The following MALRD1 variants were observed in gnomAD, a reference collection of about 807,000 sequenced individuals.
The protein encoded by MALRD1 is MAM and LDL receptor class A domain containing 1, also known as MAM and LDL-receptor class A domain-containing protein 1.
A neutral mutation model predicts 242.1 loss-of-function variants in MALRD1; 247 were observed. That is an observed-to-expected ratio of 1.02 (90% CI 0.92 to 1.13). The LOEUF (loss-of-function observed/expected upper bound fraction) is 1.13, where lower values mean the gene tolerates loss of function less well. MALRD1 is among the 50% of genes most tolerant of loss of function. The pLI is 0.00. For synonymous variants in MALRD1, 995 were observed against 866.6 expected, an observed-to-expected ratio of 1.15 and a Z score of -2.60; for missense variants, 2,989 against 2,533.1, an observed-to-expected ratio of 1.18 and a Z score of -3.86.
intron 21 of MALRD1, among the ~76,000 whole-genome samples, chr10:19,314,683 T>A (rs376616241): frequency 2.0e-5 from 3 of 151,612 alleles, no homozygotes; most frequent in East Asian, 3.9e-4. Context: ...ATGGTTTTAT[T>A]GGAACATAGC....
At chr10:19,095,411 A>G (rs538410163) in intron 4 of MALRD1, among the ~76,000 whole-genome samples, 1 of 152,220 alleles carries the variant, frequency 6.6e-6, no homozygotes, top group Non-Finnish European at 1.5e-5. Context: ...CCCATTGGAA[A>G]CACTAACCAG....
chr10:19,698,981 G>A (rs1247254162), intron 38 of MALRD1, among the ~76,000 whole-genome samples: 1 of 152,050 alleles, frequency 6.6e-6, no homozygotes, highest in Non-Finnish European at 1.5e-5. Context: ...CCATAAGTGA[G>A]AGTTGAACAA....
At chr10:19,134,132 C>G (rs999615972) in intron 9 of MALRD1, among the ~76,000 whole-genome samples, 184 bp downstream of exon 9, 20 of 152,050 alleles carry the variant, frequency 1.3e-4, no homozygotes, top group Admixed American at 1.2e-3. Flanking sequence ...CCAAATTTCC[C>G]ATGGCGGGGG....
intron 29 of MALRD1, among the ~76,000 whole-genome samples, chr10:19,484,009 A>G (rs1837133837): frequency 2.0e-5 from 3 of 152,184 alleles, no homozygotes; most frequent in Admixed American, 2.0e-4. Context: ...ATTCTAAGTG[A>G]ATTAACACAG....
intron 32 of MALRD1, among the ~76,000 whole-genome samples, chr10:19,539,717 C>T (rs1184529052): frequency 4.6e-5 from 7 of 151,766 alleles, no homozygotes; most frequent in Admixed American, 3.3e-4. Context: ...GACAGGGTCT[C>T]ACTCTGTCAC....
At chr10:19,271,712 G>A (rs571935609) in intron 19 of MALRD1, among the ~76,000 whole-genome samples, 144 of 151,272 alleles carry the variant, frequency 9.5e-4, no homozygotes, top group Non-Finnish European at 1.8e-3. Flanking sequence ...GCAGTGAGCC[G>A]AGATCTCACC....
At chr10:19,441,892 G>A (rs915201585) in intron 28 of MALRD1, among the ~76,000 whole-genome samples, 2 of 152,026 alleles carry the variant, frequency 1.3e-5, no homozygotes, top group African/African-American at 2.4e-5. Flanking sequence ...AGCTTGGTGG[G>A]GATAACATTG....
chr10:19,195,190 GA>G (rs1836183651), intron 14 of MALRD1, among the ~76,000 whole-genome samples: 1 of 152,122 alleles, frequency 6.6e-6, no homozygotes. Flanking sequence ...GGGGGTCTTG[GA>G]AAATATCTCT....
chr10:19,328,410 C>G (rs1843226737), intron 23 of MALRD1, among the ~76,000 whole-genome samples: 2 of 152,092 alleles, frequency 1.3e-5, no homozygotes, highest in Non-Finnish European at 2.9e-5. Flanking sequence ...TTATGTACAA[C>G]ATTTTCTTCT....
chr10:19,206,759 G>A (rs748548553), intron 17 of MALRD1, among the ~76,000 whole-genome samples: 23 of 152,178 alleles, frequency 1.5e-4, no homozygotes, highest in African/African-American at 4.1e-4. Flanking sequence ...GGAGCTAGGC[G>A]TATTCCCTTT....
intron 19 of MALRD1, among the ~76,000 whole-genome samples, chr10:19,263,611 C>T (rs1406166975): frequency 6.6e-6 from 1 of 151,924 alleles, no homozygotes; most frequent in African/African-American, 2.4e-5. Context: ...GATTTTTGTA[C>T]ATGATGTAAG....
chr10:19,424,954 A>G (rs957563952), intron 28 of MALRD1, among the ~76,000 whole-genome samples: 10 of 152,208 alleles, frequency 6.6e-5, no homozygotes, highest in African/African-American at 2.4e-4. Flanking sequence ...AATAAAAAAT[A>G]AAGGCAACAA....
intron 26 of MALRD1, among the ~76,000 whole-genome samples, chr10:19,381,818 G>T (rs1284040062): frequency 6.6e-6 from 1 of 151,978 alleles, no homozygotes; most frequent in Non-Finnish European, 1.5e-5. Context: ...CAGCCTGGGT[G>T]ACAGAGTAAG....
At chr10:19,292,505 A>T (rs1305285216) in intron 21 of MALRD1, among the ~76,000 whole-genome samples, 1 of 152,184 alleles carries the variant, frequency 6.6e-6, no homozygotes, top group Non-Finnish European at 1.5e-5. Flanking sequence ...TCAGTTGGAA[A>T]TGAGTTATGG....
intron 26 of MALRD1, among the ~76,000 whole-genome samples, chr10:19,386,183 C>T (rs966555772): frequency 3.9e-5 from 6 of 152,108 alleles, no homozygotes; most frequent in African/African-American, 1.4e-4. Flanking sequence ...AAATGTGAGA[C>T]TTATCCAGGA....
intron 32 of MALRD1, among the ~76,000 whole-genome samples, chr10:19,557,870 C>G (rs771044134): frequency 5.3e-5 from 8 of 152,076 alleles, no homozygotes; most frequent in Non-Finnish European, 8.8e-5. Flanking sequence ...GAAGAACTTA[C>G]ATCTTGAAAA....
chr10:19,604,124 G>C (rs555353755), intron 34 of MALRD1, among the ~76,000 whole-genome samples: 1 of 152,136 alleles, frequency 6.6e-6, no homozygotes, highest in Non-Finnish European at 1.5e-5. Context: ...TGGGCCTCTT[G>C]CTCCAAACAG....
chr10:19,101,606 ATG>A (rs1836259410), intron 4 of MALRD1, among the ~76,000 whole-genome samples: 1 of 134,668 alleles, frequency 7.4e-6, no homozygotes, highest in African/African-American at 2.7e-5. Context: ...ACATAATTTT[ATG>A]TATATATACA....
At chr10:19,225,513 T>C (rs542624139) in intron 18 of MALRD1, among the ~76,000 whole-genome samples, 1 of 144,322 alleles carries the variant, frequency 6.9e-6, no homozygotes, top group South Asian at 2.1e-4. Context: ...TAATGTTATA[T>C]ATATATTTTT....
Sources: gnomAD v4.1 joint callset for allele counts (sites outside exome capture counted in the v4.1 genomes callset) on GRCh38, gnomAD v4.1.1 for gene constraint, MANE v1.5 for transcripts, NCBI Gene and HGNC (gene_info 2026-07-23, HGNC 2026-07-21) for gene names.